SMAP2: variants seen among roughly 807,000 people sequenced by gnomAD.
SMAP2 encodes the protein stromal membrane-associated protein 2.
A neutral mutation model predicts 56.4 loss-of-function variants in SMAP2; 25 were observed. That is an observed-to-expected ratio of 0.44 (90% CI 0.32 to 0.62). SMAP2 has a LOEUF of 0.62. SMAP2 is among the 20% of genes least tolerant of loss of function. SMAP2 has a pLI of 0.04. For missense variants in SMAP2, 388 were observed against 545.6 expected, an observed-to-expected ratio of 0.71 and a Z score of 2.88; for synonymous variants, 157 against 181.7, an observed-to-expected ratio of 0.86 and a Z score of 1.09.
chr1:40,351,393 T>C (rs903894811), intron 1 of SMAP2, among the ~76,000 whole-genome samples: 3 of 152,220 alleles, frequency 2.0e-5, no homozygotes, highest in African/African-American at 4.8e-5. Context: ...CTGTCTTTTC[T>C]AGTTAACCTG....
intron 1 of SMAP2, among the ~76,000 whole-genome samples, chr1:40,356,192 T>C (rs1008948785): frequency 6.6e-6 from 1 of 152,200 alleles, no homozygotes; most frequent in African/African-American, 2.4e-5. Context: ...TAGTACTCCA[T>C]TGTATGTACG....
chr1:40,407,952 G>A (rs938096640), intron 2 of SMAP2, among the ~76,000 whole-genome samples: 2 of 152,028 alleles, frequency 1.3e-5, no homozygotes, highest in South Asian at 2.1e-4. Flanking sequence ...ACATTGAAAC[G>A]CTTTAATTTC....
At chr1:40,419,405 C>T (rs1043530258) in intron 9 of SMAP2, among the ~76,000 whole-genome samples, 2 of 151,750 alleles carry the variant, frequency 1.3e-5, no homozygotes, top group African/African-American at 4.8e-5. Flanking sequence ...GTCAGCCTCC[C>T]GAGTAGCTGG....
At chr1:40,398,493 A>G (rs1273875670) in intron 1 of SMAP2, among the ~76,000 whole-genome samples, 1 of 152,256 alleles carries the variant, frequency 6.6e-6, no homozygotes, top group Admixed American at 6.5e-5. Flanking sequence ...TTTATATGAA[A>G]TAGAGGCTCC....
intron 1 of SMAP2, among the ~76,000 whole-genome samples, chr1:40,348,715 G>T (rs1415251779): frequency 6.6e-6 from 1 of 151,960 alleles, no homozygotes; most frequent in Admixed American, 6.6e-5. Context: ...GAAAAAATTT[G>T]CTCTCACTAG....
chr1:40,385,229 A>T lies in SMAP2; in HGVS notation c.103+11006A>T, dbSNP rs1644642130. 6.6e-6 allele frequency among the ~76,000 whole-genome samples: 1 copy of T among 152,090 alleles called. No individual in the cohort carries two copies. Among genetic ancestry groups the T allele is most frequent in the Non-Finnish European group, 1.5e-5 (1 of 68,020 alleles). ...TAGCATGTCACTCGGTAGTAGTAGA[A>T]TTTTATTATTGTTGCTTTTTTTCAT... On this transcript the variant is annotated intron_variant, in intron 1 of 9. Coordinates refer to ENST00000372718, the MANE Select transcript of SMAP2 (RefSeq NM_022733.3). The surrounding 1 kb of genome is among the most constrained non-coding windows in gnomAD (Gnocchi z 4.5).
intron 1 of SMAP2, among the ~76,000 whole-genome samples, chr1:40,359,540 T>TA (rs1170864000): frequency 6.6e-6 from 1 of 152,252 alleles, no homozygotes; most frequent in Non-Finnish European, 1.5e-5. Context: ...AGTAAGGACT[T>TA]ATGCCTGCCA....
At chr1:40,419,406 G>A (rs1190752345) in intron 9 of SMAP2, among the ~76,000 whole-genome samples, 3 of 151,040 alleles carry the variant, frequency 2.0e-5, no homozygotes, top group Admixed American at 6.6e-5. Context: ...TCAGCCTCCC[G>A]AGTAGCTGGG....
chr1:40,350,357 G>T (rs1264811081), intron 1 of SMAP2, among the ~76,000 whole-genome samples: 1 of 152,118 alleles, frequency 6.6e-6, no homozygotes, highest in Non-Finnish European at 1.5e-5. Context: ...ATCTTGTTGG[G>T]GATTAGCAAA....
At chr1:40,395,665 T>C (rs1644763748) in intron 1 of SMAP2, among the ~76,000 whole-genome samples, 1 of 152,220 alleles carries the variant, frequency 6.6e-6, no homozygotes, top group African/African-American at 2.4e-5. Flanking sequence ...TTAAGGTATA[T>C]TGACTTGTCT....
At chr1:40,400,436 A>G (rs1274805241) in intron 1 of SMAP2, among the ~76,000 whole-genome samples, 1 of 152,200 alleles carries the variant, frequency 6.6e-6, no homozygotes, top group Non-Finnish European at 1.5e-5. Context: ...AGAGAATGTA[A>G]AAGTGGAGAG....
chr1:40,386,748 T>A lies in SMAP2; in HGVS notation c.103+12525T>A, dbSNP rs1487138938. On this transcript the variant is annotated intron_variant, in intron 1 of 9. Coordinates refer to ENST00000372718, the MANE Select transcript of SMAP2 (RefSeq NM_022733.3). This position sits in a 1 kb window ranked among gnomAD's most constrained non-coding sequence, Gnocchi z 4.1. ...AACATCAGTAAATGCTGGTTTTTTT[T>A]AAAACAACAACAACTTTATCTTTTA... 1.9e-5 allele frequency among the ~76,000 whole-genome samples: 2 copies of A among 105,362 alleles called. No individual in the cohort carries two copies. The highest frequency in any genetic ancestry group is 2.1e-4 in the Admixed American group (2 of 9,746). The allele number at this position is 105,362 out of a possible 152,430, so 69.1% of individuals were successfully genotyped here.
At chr1:40,390,876 C>A (rs547274549) in intron 1 of SMAP2, among the ~76,000 whole-genome samples, 1 of 152,288 alleles carries the variant, frequency 6.6e-6, no homozygotes, top group South Asian at 2.1e-4. Flanking sequence ...AAACGTGTAT[C>A]TGTTTGTTAC....
intron 1 of SMAP2, among the ~76,000 whole-genome samples, chr1:40,397,461 C>T (rs1396231997): frequency 6.6e-6 from 1 of 152,162 alleles, no homozygotes; most frequent in East Asian, 1.9e-4. Context: ...GGTGCCAGTT[C>T]TGCTTTTGAA....
At chr1:40,416,727 TG>T in intron 8 of SMAP2, 52 bp from the exon 9 acceptor site, 1 of 1,539,426 alleles carries the variant, frequency 6.5e-7, no homozygotes, top group East Asian at 2.3e-5. Context: ...GAGTTCGGGC[TG>T]ACTTTATGTT....
chr1:40,412,920 G>A lies in SMAP2; in HGVS notation c.403-96G>A, dbSNP rs555901665. On this transcript the variant is annotated intron_variant, in intron 4 of 9. Coordinates refer to ENST00000372718, the MANE Select transcript of SMAP2 (RefSeq NM_022733.3). ...AGACACTTACGTCAGAATCAATAGGGATTGGAGGTGTCCTTTTCGGACACT... is the reference window on the plus strand; with the variant it reads ...AGACACTTACGTCAGAATCAATAGGAATTGGAGGTGTCCTTTTCGGACACT... 14 of 872,294 alleles carry A rather than the reference G, an allele frequency of 1.6e-5. No homozygotes were observed. The African/African-American group carries it at 2.0e-4, about 13-fold the overall frequency. The allele number at this position is 872,294 out of a possible 1,614,324, so 54.0% of individuals were successfully genotyped here.
chr1:40,361,567 C>A (rs1344121048), intron 1 of SMAP2, among the ~76,000 whole-genome samples: 1 of 152,178 alleles, frequency 6.6e-6, no homozygotes, highest in Non-Finnish European at 1.5e-5. Flanking sequence ...GATGGCATTT[C>A]TGGACCTTCC....
At chr1:40,409,647 A>G (rs947231451) in intron 3 of SMAP2, 110 bp from the exon 4 acceptor site, 1 of 735,638 alleles carries the variant, frequency 1.4e-6, no homozygotes, top group Non-Finnish European at 2.3e-6. Context: ...ATGTGGGGAA[A>G]CCAGGCAAGA....
At chr1:40,361,266 G>A (rs1569823673) in intron 1 of SMAP2, among the ~76,000 whole-genome samples, 1 of 152,130 alleles carries the variant, frequency 6.6e-6, no homozygotes, top group East Asian at 1.9e-4. Flanking sequence ...CTGCCTTGAA[G>A]GGAAGAACCC....
Sources: allele counts gnomAD v4.1 joint callset (sites outside exome capture counted in the v4.1 genomes callset), GRCh38; gene constraint gnomAD v4.1.1; non-coding constraint Gnocchi (gnomAD v3.1); transcripts MANE v1.5; gene names NCBI Gene and HGNC (gene_info 2026-07-23, HGNC 2026-07-21).